CLSPN: variants seen among roughly 807,000 people sequenced by gnomAD.
CLSPN encodes claspin, also known as claspin homolog.
A neutral mutation model predicts 156.3 loss-of-function variants in CLSPN; 85 were observed. The observed-to-expected ratio is 0.54, with a 90% CI of 0.46 to 0.65. The LOEUF (loss-of-function observed/expected upper bound fraction) is 0.65, where lower values mean the gene tolerates loss of function less well. Ranked by LOEUF, CLSPN falls within the 30% of genes least tolerant of loss-of-function variation. The probability of loss-of-function intolerance (pLI) is 0.00; values close to 1 mark genes in which losing one functional copy is unlikely to be tolerated. For synonymous variants in CLSPN, 534 were observed against 542.4 expected (o/e 0.98, Z 0.22); for missense variants, 1,407 against 1,554.9 (o/e 0.90, Z 1.60).
intron 24 of CLSPN, chr1:35,721,061 CCTGCAT>C: frequency 3.1e-6 from 3 of 955,852 alleles, no homozygotes; most frequent in Non-Finnish European, 4.8e-6. Context: ...GACCCTGTTT[CCTGCAT>C]CTAAACTTAT....
downstream of CLSPN, among the ~76,000 whole-genome samples, chr1:35,727,331 C>G (rs1008984226): frequency 6.6e-6 from 1 of 152,152 alleles, no homozygotes; most frequent in Non-Finnish European, 1.5e-5. Flanking sequence ...CTAGAATGGC[C>G]CTTCAGAGTT....
chr1:35,724,793 C>T (rs61776918), intron 24 of CLSPN, among the ~76,000 whole-genome samples: 7,568 of 151,872 alleles, frequency 0.05, 251 homozygotes, highest in Non-Finnish European at 0.075. Flanking sequence ...GAACATTATT[C>T]CCCAGAATTG....
At chr1:35,762,274 T>C in intron 5 of CLSPN, 130 bp downstream of exon 5, 6 of 868,264 alleles carry the variant, frequency 6.9e-6, no homozygotes, top group Non-Finnish European at 1.1e-5. Flanking sequence ...ATTTTGTTCC[T>C]ACTATGTACA....
intron 8 of CLSPN, among the ~76,000 whole-genome samples, chr1:35,756,507 T>C (rs1004149984): frequency 2.6e-5 from 4 of 152,154 alleles, no homozygotes; most frequent in Admixed American, 2.0e-4. Context: ...CTGTTCAAGT[T>C]CCTCTACCTC....
chr1:35,767,370 T>G (rs637565), intron 1 of CLSPN, among the ~76,000 whole-genome samples: 149,766 of 152,298 alleles, frequency 0.98, 73,688 homozygotes, highest in East Asian at 1. Flanking sequence ...TATGATATCT[T>G]GGATTTTCTT....
At position 35,733,903 on chromosome 1, in the gene CLSPN, C is replaced by T. The variant is rs1295751614; in HGVS notation, c.*2593G>A. The T allele has an allele frequency of 1.4e-6, 1 of 722,208 alleles. No homozygotes were observed. The highest frequency in any genetic ancestry group is 1.3e-4 in the East Asian group (1 of 7,578). 44.7% of individuals were successfully genotyped at this position (722,208 alleles called of 1,614,324 possible). A position where few individuals can be genotyped will look rare whatever the true frequency, so the allele number is the denominator to read the frequency against. On this transcript the variant is annotated 3_prime_UTR_variant, in exon 25 of 25. Coordinates refer to ENST00000318121, the MANE Select transcript of CLSPN (RefSeq NM_022111.4). ...GGTTGAGGAAGGAGGATGCTGAAGC[C>T]CAGGAGTTCAAGGGTACAGTGAGCT...
At chr1:35,723,129 T>C (rs1345600580) in intron 24 of CLSPN, among the ~76,000 whole-genome samples, 1 of 152,202 alleles carries the variant, frequency 6.6e-6, no homozygotes, top group East Asian at 1.9e-4. Flanking sequence ...ATGCCTGTTA[T>C]TCATTTGCCA....
At chr1:35,729,759 A>G (rs921091062), downstream of CLSPN, among the ~76,000 whole-genome samples, 1 of 152,060 alleles carries the variant, frequency 6.6e-6, no homozygotes. Flanking sequence ...TCTCCTTCCC[A>G]CTCAGCTCTA....
rs141846202 is a variant in CLSPN at position 35,736,903 on chromosome 1, A to G, written c.3909+11T>C. 6.4e-5 allele frequency: 103 copies of G among 1,609,388 alleles called. No homozygotes were observed. Among genetic ancestry groups the G allele is most frequent in the Non-Finnish European group, 7.8e-5 (92 of 1,178,260 alleles). Reference sequence around the variant, plus strand: ...TTGGGAAGCCACCATATTAGTTCTCAAATTCCATACCTGAGACTTAGACGA... The same window carrying G: ...TTGGGAAGCCACCATATTAGTTCTCGAATTCCATACCTGAGACTTAGACGA... On this transcript the variant is annotated intron_variant, in intron 24 of 24. Coordinates refer to ENST00000318121, the MANE Select transcript of CLSPN (RefSeq NM_022111.4).
Position 35,738,113 on chromosome 1 carries a change from A to AAAAAT in CLSPN, c.3559-17_3559-16insATTTT, listed in dbSNP as rs1376351973. 3 of 362,624 alleles carry AAAAAT rather than the reference A, an allele frequency of 8.3e-6. No homozygotes were observed. Among genetic ancestry groups the AAAAAT allele is most frequent in the Non-Finnish European group, 1.1e-5 (3 of 271,578 alleles). 22.5% of individuals were successfully genotyped at this position (362,624 alleles called of 1,614,324 possible). On this transcript the variant is annotated splice_polypyrimidine_tract_variant and intron_variant, in intron 21 of 24. Transcript: ENST00000318121. Reference sequence around the variant, plus strand: ...CCTGCTGTGCCTGAAAAAAAAAAAAAATATATATATATATATATATATATA... The same window carrying AAAAAT: ...CCTGCTGTGCCTGAAAAAAAAAAAAAAAAATATATATATATATATATATATATATA...
At chr1:35,736,864 G>T (rs376748156) in intron 24 of CLSPN, 50 bp downstream of exon 24, 86 of 1,561,514 alleles carry the variant, frequency 5.5e-5, no homozygotes, top group Middle Eastern at 3.5e-4. Flanking sequence ...TTAAATAAAT[G>T]AATAAATTCT....
At chr1:35,731,123 C>T (rs563769065), downstream of CLSPN, among the ~76,000 whole-genome samples, 4 of 150,216 alleles carry the variant, frequency 2.7e-5, no homozygotes, top group South Asian at 2.1e-4. Context: ...TCGCCTGAAC[C>T]CGGGAGGCAG....
chr1:35,725,824 C>T (rs1223824349), intron 24 of CLSPN, among the ~76,000 whole-genome samples: 1 of 152,086 alleles, frequency 6.6e-6, no homozygotes, highest in East Asian at 1.9e-4. Context: ...GCAGCTGCAT[C>T]CCGCCCCTGA....
chr1:35,767,773 T>G (rs560670804), intron 1 of CLSPN, among the ~76,000 whole-genome samples: 1 of 152,312 alleles, frequency 6.6e-6, no homozygotes, highest in Non-Finnish European at 1.5e-5. Flanking sequence ...CCCAAGCATT[T>G]CAGACGAGAG....
At chr1:35,731,958 A>T (rs1222791287), downstream of CLSPN, among the ~76,000 whole-genome samples, 3 of 152,154 alleles carry the variant, frequency 2.0e-5, no homozygotes, top group African/African-American at 7.2e-5. Flanking sequence ...TTCTCAAAGG[A>T]GGTGAATTTC....
At chr1:35,728,325 C>CCCCA (rs1181623382), downstream of CLSPN, among the ~76,000 whole-genome samples, 1 of 151,974 alleles carries the variant, frequency 6.6e-6, no homozygotes, top group African/African-American at 2.4e-5. Flanking sequence ...CAAGCAAACC[C>CCCCA]CCCACCTCAA....
In CLSPN at chr1:35,760,347, T is replaced by C. The variant is rs7537203; in HGVS notation, c.1574A>G (p.Asn525Ser). Residue 525 changes from asparagine to serine, a missense_variant, in exon 8 of 25, where the codon AAC becomes AGC. Coordinates refer to ENST00000318121, the MANE Select transcript of CLSPN (RefSeq NM_022111.4). The stretch of plus-strand genomic sequence containing the variant: ...CCCACAATGTAAAGGATTACCTCTG[T>C]TGGTTTCAGGTTCAAGTATCACAAA... ...DSFVILEPETNRELEALKQRF... is the reference protein window; with the variant it reads ...DSFVILEPETSRELEALKQRF... The C allele has an allele frequency of 0.19, 303,245 of 1,610,816 alleles. 48,470 individuals are homozygous for C. The highest frequency in any genetic ancestry group is 0.77 in the East Asian group (34,398 of 44,834).
At chr1:35,747,123 C>T in intron 14 of CLSPN, 131 bp from the exon 15 acceptor site, 1 of 639,806 alleles carries the variant, frequency 1.6e-6, no homozygotes, top group Non-Finnish European at 2.7e-6. Context: ...GAGATCAAGA[C>T]CATCCTGGCT....
At chr1:35,748,188 A>T in intron 13 of CLSPN, 127 bp from the exon 14 acceptor site, 1 of 1,100,676 alleles carries the variant, frequency 9.1e-7, no homozygotes, top group Non-Finnish European at 1.3e-6. Context: ...TGAGGGGGAC[A>T]ATACACAGCC....
Sources: allele counts gnomAD v4.1 joint callset (sites outside exome capture counted in the v4.1 genomes callset), GRCh38; gene constraint gnomAD v4.1.1; transcripts MANE v1.5; gene names NCBI Gene and HGNC (gene_info 2026-07-23, HGNC 2026-07-21).